FBXW10B: variants seen among roughly 807,000 people sequenced by gnomAD.
FBXW10B encodes the protein F-box and WD repeat domain containing 10B.
At chr17:15,593,607 C>G in the FBXW10B span, 3 of 1,384,480 alleles carry the variant, frequency 2.2e-6, no homozygotes, top group Non-Finnish European at 2.9e-6. Flanking sequence ...CATAACTGGC[C>G]TCAAAATGGT....
the FBXW10B span, among the ~76,000 whole-genome samples, chr17:15,569,321 T>C: frequency 6.6e-6 from 1 of 152,160 alleles, no homozygotes; most frequent in African/African-American, 2.4e-5. Flanking sequence ...ATGATAACAA[T>C]AGCTCTTCTG....
the FBXW10B span, among the ~76,000 whole-genome samples, chr17:15,575,595 G>A: frequency 2.1e-5 from 3 of 145,456 alleles, no homozygotes; most frequent in Admixed American, 6.6e-5. Context: ...TCTGCATGGC[G>A]GCCCTTCCAA....
the FBXW10B span, chr17:15,571,404 C>T: frequency 6.6e-6 from 1 of 150,808 alleles, no homozygotes; most frequent in South Asian, 2.1e-4. Flanking sequence ...GAAATACAGA[C>T]GTTAAATAAG....
At chr17:15,609,338 A>C in the FBXW10B span, among the ~76,000 whole-genome samples, 5 of 147,936 alleles carry the variant, frequency 3.4e-5, no homozygotes, top group Admixed American at 6.8e-5. Flanking sequence ...CATGTAGTCT[A>C]TCTCTGCTCA....
chr17:15,598,400 G>A, the FBXW10B span: 2 of 1,272,254 alleles, frequency 1.6e-6, no homozygotes, highest in Non-Finnish European at 2.1e-6. Context: ...TGGGTGGGTG[G>A]GTGGGTGGAT....
the FBXW10B span, among the ~76,000 whole-genome samples, chr17:15,599,585 A>G: frequency 1.3e-5 from 2 of 148,546 alleles, no homozygotes; most frequent in Non-Finnish European, 3.0e-5. Context: ...TCCACGGTAC[A>G]GTGGATCTGC....
the FBXW10B span, chr17:15,607,674 T>C: frequency 0.2 from 316,287 of 1,608,660 alleles, 34,937 homozygotes; most frequent in East Asian, 0.46. Context: ...GTCCACAGGT[T>C]GTACTCATTC....
chr17:15,586,543 T>C, the FBXW10B span, among the ~76,000 whole-genome samples: 2 of 151,774 alleles, frequency 1.3e-5, 1 homozygote, highest in African/African-American at 4.9e-5. Flanking sequence ...TTGAAATCCA[T>C]GCATAGTCTT....
the FBXW10B span, among the ~76,000 whole-genome samples, chr17:15,595,113 G>T: frequency 6.6e-6 from 1 of 152,064 alleles, no homozygotes; most frequent in Non-Finnish European, 1.5e-5. Context: ...AGGCCGAGGC[G>T]GGCGGATCAC....
chr17:15,591,116 A>G, the FBXW10B span, among the ~76,000 whole-genome samples: 1,027 of 152,062 alleles, frequency 6.8e-3, 11 homozygotes, highest in African/African-American at 0.02. Flanking sequence ...TCACACTTCC[A>G]GGCAGTTTCC....
At chr17:15,590,824 G>A in the FBXW10B span, among the ~76,000 whole-genome samples, 2 of 152,156 alleles carry the variant, frequency 1.3e-5, no homozygotes, top group Admixed American at 1.3e-4. Flanking sequence ...TTGGGTCCCT[G>A]CACTGAGCCA....
the FBXW10B span, chr17:15,589,175 TC>T: frequency 6.2e-7 from 1 of 1,613,176 alleles, no homozygotes; most frequent in East Asian, 2.2e-5. Context: ...TCGATTCCAT[TC>T]CATCCCACGT....
At chr17:15,589,211 T>C in the FBXW10B span, 5 of 1,613,832 alleles carry the variant, frequency 3.1e-6, no homozygotes, top group East Asian at 2.2e-5. Flanking sequence ...AATGTGCTGA[T>C]GTGGCAGACT....
At chr17:15,588,562 G>A in the FBXW10B span, 1 of 300,250 alleles carries the variant, frequency 3.3e-6, no homozygotes, top group Non-Finnish European at 6.5e-6. Flanking sequence ...CTGCCCTATA[G>A]CCAGGAAGGG....
At chr17:15,592,295 G>GTTTTTTTTTTTTTT in the FBXW10B span, among the ~76,000 whole-genome samples, 2 of 107,696 alleles carry the variant, frequency 1.9e-5, no homozygotes, top group Non-Finnish European at 3.7e-5. Flanking sequence ...AATGGCCAGA[G>GTTTTTTTTTTTTTT]TTTTTTTTTT....
At chr17:15,619,630 C>T in the FBXW10B span, 7 of 1,510,100 alleles carry the variant, frequency 4.6e-6, no homozygotes, top group East Asian at 2.3e-5. Context: ...CTATTACAAA[C>T]GTCTCCCAGA....
At chr17:15,606,733 G>T in the FBXW10B span, among the ~76,000 whole-genome samples, 3 of 152,072 alleles carry the variant, frequency 2.0e-5, no homozygotes, top group East Asian at 5.8e-4. Flanking sequence ...CATACCTAGA[G>T]TTCAACTAGT....
At chr17:15,576,840 G>T in the FBXW10B span, among the ~76,000 whole-genome samples, 1 of 149,174 alleles carries the variant, frequency 6.7e-6, no homozygotes. Flanking sequence ...TGATGAAGAT[G>T]GAGTTTTAGA....
the FBXW10B span, among the ~76,000 whole-genome samples, chr17:15,616,832 A>G: frequency 0.015 from 2,056 of 138,658 alleles, 23 homozygotes; most frequent in Non-Finnish European, 0.023. Flanking sequence ...AAAAAAAAAA[A>G]AAGAAGAAGG....
Sources: allele counts gnomAD v4.1 joint callset (sites outside exome capture counted in the v4.1 genomes callset), GRCh38; gene constraint gnomAD v4.1.1; transcripts MANE v1.5; gene names NCBI Gene and HGNC (gene_info 2026-07-23, HGNC 2026-07-21).